The following TPST2 variants were observed in gnomAD, a reference collection of about 807,000 sequenced individuals.
The protein encoded by TPST2 is protein-tyrosine sulfotransferase 2.
Under a neutral mutation model 27.8 loss-of-function variants are expected in TPST2, and 16 were observed. That is an observed-to-expected ratio of 0.58 (90% confidence interval 0.39 to 0.88). TPST2 has a LOEUF of 0.88. Ranked by LOEUF, TPST2 falls within the 40% of genes least tolerant of loss-of-function variation. The probability of loss-of-function intolerance (pLI) is 0.00; values close to 1 mark genes in which losing one functional copy is unlikely to be tolerated. For synonymous variants in TPST2, 229 were observed against 231.7 expected (o/e 0.99, Z 0.10); for missense variants, 464 against 543.1 (o/e 0.85, Z 1.45).
At chr22:26,560,972 G>A (rs1321268472) in intron 1 of TPST2, 12 of 1,609,802 alleles carry the variant, frequency 7.5e-6, no homozygotes, top group Admixed American at 3.3e-5. Flanking sequence ...AGAAGGCTGC[G>A]AAGCTGAAGG....
At chr22:26,581,871 C>T (rs8140872) in intron 1 of TPST2, among the ~76,000 whole-genome samples, 7,610 of 152,276 alleles carry the variant, frequency 0.05, 258 homozygotes, top group East Asian at 0.16. Context: ...TCTCTGGTCT[C>T]TATCACAACT....
chr22:26,581,352 A>C (rs891030095), intron 1 of TPST2, among the ~76,000 whole-genome samples: 1 of 152,120 alleles, frequency 6.6e-6, no homozygotes, highest in Non-Finnish European at 1.5e-5. Flanking sequence ...ACCCCATCCT[A>C]GTCCCCACAT....
In TPST2 at chr22:26,541,475, C is replaced by A. The variant is rs1039574174; in HGVS notation, c.156G>T (p.Leu52=). 2 of 1,611,012 alleles carry A rather than the reference C, an allele frequency of 1.2e-6. No individual in the cohort carries two copies. Among genetic ancestry groups the A allele is most frequent in the Non-Finnish European group, 1.7e-6 (2 of 1,178,460 alleles). The part of the protein sequence containing the change: ...RGAMRPEQEE[L]VMVGTNHVEY... The stretch of plus-strand genomic sequence containing the variant: ...CCACGTGGTTGGTGCCCACCATCAC[C>A]AGCTCCTCCTGCTCAGGCCGCATGG... Residue 52 remains leucine, a synonymous_variant, in exon 3 of 7, where the codon CTG becomes CTT. Transcript: ENST00000338754. The surrounding 1 kb of genome is among the most constrained non-coding windows in gnomAD (Gnocchi z 5.9).
chr22:26,588,707 C>T (rs1928435775), intron 1 of TPST2, among the ~76,000 whole-genome samples: 1 of 152,090 alleles, frequency 6.6e-6, no homozygotes, highest in African/African-American at 2.4e-5. Context: ...ATAAACCCAG[C>T]TTTACAGTTA....
At chr22:26,553,408 G>C (rs1169702689) in intron 1 of TPST2, among the ~76,000 whole-genome samples, 1 of 147,472 alleles carries the variant, frequency 6.8e-6, no homozygotes. Flanking sequence ...GTCTCCTTCT[G>C]TCTCAAAGGC....
intron 4 of TPST2, among the ~76,000 whole-genome samples, chr22:26,534,341 T>C (rs1925333138): frequency 6.6e-6 from 1 of 152,220 alleles, no homozygotes; most frequent in Admixed American, 6.5e-5. Flanking sequence ...AGCCAAGCTA[T>C]GGCAAAAACT....
intron 1 of TPST2, among the ~76,000 whole-genome samples, chr22:26,578,816 C>G (rs1927968127): frequency 6.6e-6 from 1 of 151,528 alleles, no homozygotes; most frequent in Admixed American, 6.6e-5. Context: ...GTTTCCCCAT[C>G]TGTGAAAAGA....
chr22:26,572,999 G>C (rs978980311), intron 1 of TPST2, among the ~76,000 whole-genome samples: 1 of 152,002 alleles, frequency 6.6e-6, no homozygotes, highest in Non-Finnish European at 1.5e-5. Context: ...TAACCTCTCT[G>C]GGCCTCATTT....
rs532351063 is a variant in TPST2 at position 26,556,828 on chromosome 22, T to C, written c.-160-12153A>G. Among the ~76,000 whole-genome samples the C allele has an allele frequency of 2.4e-3, 360 of 152,314 alleles. 2 individuals carry two copies. Among genetic ancestry groups the C allele is most frequent in the African/African-American group, 8.1e-3 (336 of 41,560 alleles). On this transcript the variant is annotated intron_variant, in intron 1 of 6. Transcript: ENST00000338754. The stretch of plus-strand genomic sequence containing the variant: ...TTCCTTCCCATTCCTGCCCGTTTCC[T>C]CGCCCCACCATCAAACACAAGAGCA...
intron 3 of TPST2, 48 bp from the exon 4 acceptor site, chr22:26,536,534 G>A (rs1262360953): frequency 9.8e-6 from 14 of 1,424,048 alleles, no homozygotes; most frequent in African/African-American, 4.3e-5. Flanking sequence ...CCCAGATGGC[G>A]CCTGAGCGGA....
At chr22:26,552,510 T>A (rs980948055) in intron 1 of TPST2, among the ~76,000 whole-genome samples, 1 of 152,034 alleles carries the variant, frequency 6.6e-6, no homozygotes, top group Non-Finnish European at 1.5e-5. Flanking sequence ...CCAAACTGTT[T>A]CCCCAACTTT....
At chr22:26,544,177 A>C (rs569561326) in intron 2 of TPST2, among the ~76,000 whole-genome samples, 22 of 152,316 alleles carry the variant, frequency 1.4e-4, no homozygotes, top group African/African-American at 3.8e-4. Context: ...AGGAATAATA[A>C]TACCCTTTTC....
At chr22:26,533,395 G>GA (rs1925275717) in intron 4 of TPST2, among the ~76,000 whole-genome samples, 1 of 152,170 alleles carries the variant, frequency 6.6e-6, no homozygotes, top group Non-Finnish European at 1.5e-5. Context: ...ACTCTAGCCT[G>GA]AGTGACAGAG....
At chr22:26,589,746 C>T (rs1928482768) in intron 1 of TPST2, among the ~76,000 whole-genome samples, 1 of 152,158 alleles carries the variant, frequency 6.6e-6, no homozygotes, top group Non-Finnish European at 1.5e-5. Context: ...CGCCAACAGA[C>T]GCTGAGCGTC....
At chr22:26,560,412 T>G (rs1927023188) in intron 1 of TPST2, 4 of 639,608 alleles carry the variant, frequency 6.3e-6, no homozygotes, top group Non-Finnish European at 1.1e-5. Flanking sequence ...TTGTAAGGAT[T>G]AAATAAGATA....
chr22:26,560,306 G>C (rs1296016840), intron 1 of TPST2, among the ~76,000 whole-genome samples: 1 of 152,190 alleles, frequency 6.6e-6, no homozygotes, highest in Non-Finnish European at 1.5e-5. Context: ...GCTGGCTACA[G>C]AGCTACATGA....
At chr22:26,556,061 T>C (rs980512501) in intron 1 of TPST2, among the ~76,000 whole-genome samples, 2 of 152,196 alleles carry the variant, frequency 1.3e-5, no homozygotes, top group South Asian at 2.1e-4. Context: ...CAATAAAATA[T>C]ACAGGATGAA....
At chr22:26,554,182 C>G (rs1370548241) in intron 1 of TPST2, among the ~76,000 whole-genome samples, 1 of 152,156 alleles carries the variant, frequency 6.6e-6, no homozygotes. Context: ...GGAACCCAAG[C>G]TCTTAACTAC....
intron 4 of TPST2, among the ~76,000 whole-genome samples, chr22:26,535,335 C>T (rs977547901): frequency 1.3e-5 from 2 of 152,208 alleles, no homozygotes; most frequent in Admixed American, 1.3e-4. Context: ...CTTCCTCAGG[C>T]CTGGGTCCCA....
Sources: allele counts gnomAD v4.1 joint callset (sites outside exome capture counted in the v4.1 genomes callset), GRCh38; gene constraint gnomAD v4.1.1; non-coding constraint Gnocchi (gnomAD v3.1); transcripts MANE v1.5; gene names NCBI Gene and HGNC (gene_info 2026-07-23, HGNC 2026-07-21).